The following FADS2 variants were observed in gnomAD, a reference collection of about 807,000 sequenced individuals.
FADS2 encodes fatty acid desaturase 2, also known as acyl-CoA 6-desaturase.
In FADS2, 18 loss-of-function variants were observed where a neutral mutation model predicts 61.2. That is an observed-to-expected ratio of 0.29 (90% CI 0.20 to 0.44). The LOEUF (loss-of-function observed/expected upper bound fraction) is 0.44, where lower values mean the gene tolerates loss of function less well. Ranked by LOEUF, FADS2 falls within the 20% of genes least tolerant of loss-of-function variation. FADS2 has a pLI of 1.00. For synonymous variants in FADS2, 203 were observed against 223.9 expected, an observed-to-expected ratio of 0.91 and a Z score of 0.83; for missense variants, 322 against 572.7, an observed-to-expected ratio of 0.56 and a Z score of 4.47.
chr11:61,848,624 A>C (rs989101817), intron 5 of FADS2: 5 of 238,618 alleles, frequency 2.1e-5, no homozygotes, highest in African/African-American at 1.1e-4. Flanking sequence ...AGAATGGTAG[A>C]TGTCTCCCTC....
In FADS2 at chr11:61,840,512, T is replaced by C; in HGVS notation, c.497T>C (p.Phe166Ser). Reference sequence around the variant, plus strand: ...TGGATTCCTACCCTCATCACGGCCTTTGTCCTTGCTACCTCTCAGGTGAGG... The same window carrying C: ...TGGATTCCTACCCTCATCACGGCCTCTGTCCTTGCTACCTCTCAGGTGAGG... ...NGWIPTLITA[F>S]VLATSQAQAG... The change falls in exon 3 of 12, where the codon TTT becomes TCT. Residue 166 changes from phenylalanine (F) to serine (S), a missense_variant. Physicochemically the swap from Phe to Ser is radical, Grantham distance 155. Around this residue, in one of 3 missense-constraint regions of FADS2, gnomAD observed 221 missense variants for 427.9 expected, o/e 0.52. Coordinates refer to ENST00000278840, the MANE Select transcript of FADS2 (RefSeq NM_004265.4). 6.2e-7 allele frequency: 1 copy of C among 1,614,198 alleles called. No homozygotes were observed.
upstream of FADS2, among the ~76,000 whole-genome samples, chr11:61,825,304 C>T (rs746700239): frequency 3.9e-5 from 6 of 152,006 alleles, no homozygotes; most frequent in East Asian, 3.9e-4. Flanking sequence ...CCAACTAATG[C>T]GGTCTTGATT....
upstream of FADS2, among the ~76,000 whole-genome samples, chr11:61,824,930 C>A (rs1428671472): frequency 4.6e-5 from 7 of 152,020 alleles, no homozygotes; most frequent in African/African-American, 1.7e-4. Context: ...CAGTGGCTCA[C>A]GCCTGTAATC....
intron 7 of FADS2, among the ~76,000 whole-genome samples, chr11:61,861,094 C>T (rs1296733478): frequency 6.6e-6 from 1 of 151,838 alleles, no homozygotes; most frequent in East Asian, 1.9e-4. Flanking sequence ...GTGGCTCATG[C>T]CTGTAATACC....
upstream of FADS2, chr11:61,828,128 G>A: frequency 7.3e-7 from 1 of 1,368,890 alleles, no homozygotes; most frequent in Non-Finnish European, 9.4e-7. This position sits in a 1 kb window ranked among gnomAD's most constrained non-coding sequence, Gnocchi z 6.4. Context: ...AGTCCATAGC[G>A]GGAGGGCTGA....
intron 5 of FADS2, chr11:61,856,225 C>T (rs2135974523): frequency 6.6e-6 from 1 of 152,340 alleles, no homozygotes; most frequent in African/African-American, 2.4e-5. Flanking sequence ...GCCGTGGTTC[C>T]TATGCCTGGC....
chr11:61,845,737 T>A (rs1236433851), intron 4 of FADS2, among the ~76,000 whole-genome samples: 1 of 148,910 alleles, frequency 6.7e-6, no homozygotes, highest in Admixed American at 6.7e-5. Context: ...TGAGCTGAGA[T>A]TGCACCACTG....
chr11:61,829,561 G>A lies in FADS2; in HGVS notation c.207+964G>A, dbSNP rs539903872. ...TCTGAAATCCTGGCATTTATTTAAG[G>A]ATGCAGCTGGTATCCCATGGATTCG... is the stretch of plus-strand genomic sequence containing the variant. On this transcript the variant is annotated intron_variant, in intron 1 of 11. Transcript: ENST00000278840. 1.2e-3 allele frequency among the ~76,000 whole-genome samples: 190 copies of A among 152,316 alleles called. No homozygotes were observed. In the Middle Eastern group the frequency reaches 0.014, roughly 11 times the overall value.
intron 1 of FADS2, among the ~76,000 whole-genome samples, chr11:61,822,889 T>G (rs1007607004): frequency 6.6e-6 from 1 of 152,266 alleles, no homozygotes; most frequent in Non-Finnish European, 1.5e-5. Flanking sequence ...TGGATATTTT[T>G]GTATATAGAT....
At chr11:61,825,687 T>A (rs1405069451), upstream of FADS2, among the ~76,000 whole-genome samples, 1 of 148,586 alleles carries the variant, frequency 6.7e-6, no homozygotes, top group Non-Finnish European at 1.5e-5. Flanking sequence ...GGTCAGGAGA[T>A]CGAGACCATC....
At chr11:61,822,979 C>G (rs1331947823) in intron 1 of FADS2, among the ~76,000 whole-genome samples, 1 of 152,152 alleles carries the variant, frequency 6.6e-6, no homozygotes, top group African/African-American at 2.4e-5. Context: ...CATTTTTAGT[C>G]TCTTGTCATT....
chr11:61,827,609 C>G (rs2067094814), upstream of FADS2, among the ~76,000 whole-genome samples: 1 of 152,226 alleles, frequency 6.6e-6, no homozygotes, highest in Non-Finnish European at 1.5e-5. This position sits in a 1 kb window ranked among gnomAD's most constrained non-coding sequence, Gnocchi z 4.5. Context: ...CTAGCCAAGC[C>G]GGCCCTGGAG....
chr11:61,865,898 G>A lies in FADS2; in HGVS notation c.*209G>A. 1 of 575,398 alleles carries A rather than the reference G, an allele frequency of 1.7e-6. No homozygotes were observed. The highest frequency in any genetic ancestry group is 3.1e-6 in the Non-Finnish European group (1 of 322,256). The allele number at this position is 575,398 out of a possible 1,614,324, so 35.6% of individuals were successfully genotyped here. A position where few individuals can be genotyped will look rare whatever the true frequency, so the allele number is the denominator to read the frequency against. ...CCCTCATGGGACCTGCCCTCCCTCAGCCGTCAGCCATCAGCCATGGCCCTC... is the reference window on the plus strand; with the variant it reads ...CCCTCATGGGACCTGCCCTCCCTCAACCGTCAGCCATCAGCCATGGCCCTC... On this transcript the variant is annotated 3_prime_UTR_variant, in exon 12 of 12. Transcript: ENST00000278840. This position sits in a 1 kb window ranked among gnomAD's most constrained non-coding sequence, Gnocchi z 4.1.
chr11:61,853,328 CTTCCT>C (rs2067327311), intron 5 of FADS2, among the ~76,000 whole-genome samples: 1 of 136,430 alleles, frequency 7.3e-6, no homozygotes, highest in Non-Finnish European at 1.6e-5. Flanking sequence ...TCCTTCCTTC[CTTCCT>C]TTCCTTCTTT....
chr11:61,853,288 C>T (rs1190413138), intron 5 of FADS2, among the ~76,000 whole-genome samples: 1 of 108,718 alleles, frequency 9.2e-6, no homozygotes, highest in African/African-American at 3.7e-5. Flanking sequence ...CCCTCCCTCC[C>T]TCCCTTCCTT....
chr11:61,832,408 G>A (rs1397963203), intron 1 of FADS2, among the ~76,000 whole-genome samples: 1 of 152,228 alleles, frequency 6.6e-6, no homozygotes, highest in African/African-American at 2.4e-5. Context: ...AGATCTGGGT[G>A]GGAGCTGTCC....
chr11:61,862,697 C>A, intron 7 of FADS2: 1 of 462,212 alleles, frequency 2.2e-6, no homozygotes, highest in South Asian at 2.3e-5. Context: ...CCACCCCTAC[C>A]CCATGGCTGC....
At chr11:61,827,983 C>T, upstream of FADS2, 2 of 1,022,482 alleles carry the variant, frequency 2.0e-6, no homozygotes, top group Non-Finnish European at 2.4e-6. This position sits in a 1 kb window ranked among gnomAD's most constrained non-coding sequence, Gnocchi z 4.5. Flanking sequence ...GGTGCAGGCG[C>T]TCTGCTGATC....
intron 4 of FADS2, among the ~76,000 whole-genome samples, chr11:61,841,861 C>G (rs1178228024): frequency 2.6e-5 from 4 of 152,148 alleles, no homozygotes; most frequent in Non-Finnish European, 4.4e-5. Context: ...ATTAGAAGTG[C>G]AGGAGTTAAG....
Sources: allele counts gnomAD v4.1 joint callset (sites outside exome capture counted in the v4.1 genomes callset), GRCh38; gene constraint gnomAD v4.1.1; regional missense constraint gnomAD v4.1.1; non-coding constraint Gnocchi (gnomAD v3.1); transcripts MANE v1.5; gene names NCBI Gene and HGNC (gene_info 2026-07-23, HGNC 2026-07-21).